Variants in RELCH observed in about 807,000 individuals in gnomAD.
RELCH encodes the protein RAB11 binding and LisH domain, coiled-coil and HEAT repeat containing.
In RELCH, 41 loss-of-function variants were observed where a neutral mutation model predicts 150.3. That is an observed-to-expected ratio of 0.27 (90% CI 0.21 to 0.35). The LOEUF (loss-of-function observed/expected upper bound fraction) is 0.35, where lower values mean the gene tolerates loss of function less well. Among genes scored for constraint, RELCH ranks in the 10% least tolerant of loss-of-function variants. RELCH has a pLI of 1.00. For missense variants in RELCH, 1,092 were observed against 1,467.8 expected (o/e 0.74, Z 4.18); for synonymous variants, 478 against 531.8 (o/e 0.90, Z 1.39).
chr18:62,280,739 G>A (rs745522273), intron 24 of RELCH, 30 bp downstream of exon 24: 4 of 1,117,870 alleles, frequency 3.6e-6, no homozygotes, highest in East Asian at 3.0e-5. Flanking sequence ...ATTTATGTCT[G>A]TGTAATATTG....
At chr18:62,295,144 A>G (rs1170170125) in intron 27 of RELCH, among the ~76,000 whole-genome samples, 1 of 152,204 alleles carries the variant, frequency 6.6e-6, no homozygotes, top group Non-Finnish European at 1.5e-5. Context: ...ACAAGTTCCA[A>G]GAAGGATCTT....
In RELCH at chr18:62,310,227, G is replaced by A. The variant is rs2045968207; in HGVS notation, c.*4693G>A. The A allele has an allele frequency of 6.6e-6, 1 of 151,948 alleles. No individual in the cohort carries two copies. 9.4% of individuals were successfully genotyped at this position (151,948 alleles called of 1,614,324 possible). A position where few individuals can be genotyped will look rare whatever the true frequency, so the allele number is the denominator to read the frequency against. On this transcript the variant is annotated 3_prime_UTR_variant, in exon 29 of 29. Coordinates refer to ENST00000644646, the MANE Select transcript of RELCH (RefSeq NM_001346231.2). ...CATGTATTAAATAATGAAACTTAAA[G>A]GTGAATACTTTCATAATGTAAATTG...
At chr18:62,220,949 A>G in intron 2 of RELCH, 88 bp from the exon 3 acceptor site, 1 of 999,314 alleles carries the variant, frequency 1.0e-6, no homozygotes, top group East Asian at 2.4e-5. Flanking sequence ...TTTTTTTTTC[A>G]TACCCATCCT....
chr18:62,269,810 CT>C (rs907708921), intron 20 of RELCH, among the ~76,000 whole-genome samples: 60 of 152,296 alleles, frequency 3.9e-4, no homozygotes, highest in African/African-American at 1.4e-3. Context: ...CCTGTATCAT[CT>C]GTTGAACAAC....
At chr18:62,278,281 C>T (rs984183717) in intron 22 of RELCH, among the ~76,000 whole-genome samples, 1 of 152,090 alleles carries the variant, frequency 6.6e-6, no homozygotes, top group African/African-American at 2.4e-5. Context: ...TAAAATGATA[C>T]AGAGAAGAAA....
intron 8 of RELCH, among the ~76,000 whole-genome samples, chr18:62,229,518 G>GTGTCTGTC (rs1555725660): frequency 5.4e-5 from 8 of 147,638 alleles, no homozygotes; most frequent in African/African-American, 7.5e-5. Flanking sequence ...GTGTGTGTGT[G>GTGTCTGTC]TGTCTGTCTG....
chr18:62,219,624 G>A (rs1027222045), intron 2 of RELCH, among the ~76,000 whole-genome samples: 2 of 151,854 alleles, frequency 1.3e-5, no homozygotes, highest in Non-Finnish European at 2.9e-5. Context: ...AAATGTTAAG[G>A]AAAATGTTTA....
At chr18:62,212,391 A>G (rs775924960) in intron 2 of RELCH, among the ~76,000 whole-genome samples, 11 of 152,202 alleles carry the variant, frequency 7.2e-5, no homozygotes. Context: ...AATGGTAGGT[A>G]CTTCTGGAAC....
chr18:62,205,015 G>T (rs529587109), intron 1 of RELCH, among the ~76,000 whole-genome samples: 33 of 152,280 alleles, frequency 2.2e-4, no homozygotes, highest in Admixed American at 5.9e-4. Flanking sequence ...CAAGTTGAAA[G>T]AATTTTTTAC....
At chr18:62,250,205 C>A (rs2042628229) in intron 11 of RELCH, among the ~76,000 whole-genome samples, 1 of 152,060 alleles carries the variant, frequency 6.6e-6, no homozygotes, top group African/African-American at 2.4e-5. Context: ...CTAAAATTTT[C>A]AATATTAACT....
chr18:62,196,927 A>G (rs1230357478), intron 1 of RELCH, among the ~76,000 whole-genome samples: 4 of 152,188 alleles, frequency 2.6e-5, no homozygotes, highest in African/African-American at 7.2e-5. Flanking sequence ...TTATAGAAAA[A>G]TCTTTGTTGA....
intron 20 of RELCH, among the ~76,000 whole-genome samples, chr18:62,273,124 C>T (rs1369095692): frequency 6.6e-6 from 1 of 151,400 alleles, no homozygotes; most frequent in Non-Finnish European, 1.5e-5. Flanking sequence ...CTTCTGTGTC[C>T]CTAATGTTGA....
intron 1 of RELCH, among the ~76,000 whole-genome samples, chr18:62,197,088 G>A (rs959869668): frequency 3.3e-5 from 5 of 152,094 alleles, no homozygotes; most frequent in Non-Finnish European, 5.9e-5. Context: ...TACAGGTGAA[G>A]GAAAGATAAT....
Position 62,308,334 on chromosome 18 carries a change from G to C in RELCH, c.*2800G>C, listed in dbSNP as rs947078055. ...TAACTACAGCTAACATTCTGTGCTG[G>C]TTATATTTTCTTAACTATTCTTTGT... On this transcript the variant is annotated 3_prime_UTR_variant, in exon 29 of 29. Coordinates refer to ENST00000644646, the MANE Select transcript of RELCH (RefSeq NM_001346231.2). 6.6e-6 allele frequency: 1 copy of C among 152,242 alleles called. No homozygotes were observed. The highest frequency in any genetic ancestry group is 1.5e-5 in the Non-Finnish European group (1 of 68,006). 9.4% of individuals were successfully genotyped at this position (152,242 alleles called of 1,614,324 possible).
chr18:62,224,673 G>T (rs1452928177), intron 5 of RELCH, among the ~76,000 whole-genome samples: 1 of 152,026 alleles, frequency 6.6e-6, no homozygotes, highest in Middle Eastern at 3.2e-3. Context: ...TAAAAAATAG[G>T]AAATAACTTA....
At position 62,298,809 on chromosome 18, in the gene RELCH, T is replaced by TA; in HGVS notation, c.3483dup (p.Glu1162ArgfsTer3). On this transcript the variant is annotated frameshift_variant, in exon 28 of 29. Transcript: ENST00000644646. LOFTEE classifies it high-confidence loss of function. ...AATCAGGTTATTTTAAGTTCCATGA[T>TA]AAAAGAATGTGAACAAAAAGTTGAA... 6.3e-7 allele frequency: 1 copy of TA among 1,576,308 alleles called. No homozygotes were observed. Among genetic ancestry groups the TA allele is most frequent in the Non-Finnish European group, 8.7e-7 (1 of 1,148,530 alleles).
intron 5 of RELCH, among the ~76,000 whole-genome samples, chr18:62,222,407 T>G (rs2148380204): frequency 6.6e-6 from 1 of 152,028 alleles, no homozygotes; most frequent in Admixed American, 6.6e-5. Context: ...GTTAATCATG[T>G]TTTTTAAATG....
chr18:62,252,409 C>T (rs2042763690), intron 11 of RELCH, among the ~76,000 whole-genome samples: 1 of 152,030 alleles, frequency 6.6e-6, no homozygotes, highest in Non-Finnish European at 1.5e-5. Flanking sequence ...GTCCCAGCTA[C>T]TCGAGAGGAT....
chr18:62,288,227 A>G (rs2044917782), intron 26 of RELCH, among the ~76,000 whole-genome samples: 2 of 152,120 alleles, frequency 1.3e-5, no homozygotes, highest in Non-Finnish European at 1.5e-5. Flanking sequence ...GAAAGGGGAA[A>G]TGAGAGATTG....
Sources: allele counts gnomAD v4.1 joint callset (sites outside exome capture counted in the v4.1 genomes callset), GRCh38; gene constraint gnomAD v4.1.1; transcripts MANE v1.5; gene names NCBI Gene and HGNC (gene_info 2026-07-23, HGNC 2026-07-21).